TPTE: variants seen among roughly 807,000 people sequenced by gnomAD.
TPTE encodes the protein putative tyrosine-protein phosphatase TPTE.
Under a neutral mutation model 84.1 loss-of-function variants are expected in TPTE, and 59 were observed. The observed-to-expected ratio is 0.70, with a 90% CI of 0.57 to 0.87. TPTE has a LOEUF of 0.87. Ranked by LOEUF, TPTE falls within the 40% of genes least tolerant of loss-of-function variation. The pLI is 0.00. For synonymous variants in TPTE, 130 were observed against 223.5 expected (o/e 0.58, Z 3.73); for missense variants, 382 against 659.6 (o/e 0.58, Z 4.61).
chr21:10,547,913 C>G (rs1289354161), intron 7 of TPTE, among the ~76,000 whole-genome samples: 2 of 152,310 alleles, frequency 1.3e-5, no homozygotes, highest in Admixed American at 1.3e-4. Flanking sequence ...ATGCCCTCTC[C>G]CAAGTGGGAG....
At position 10,552,599 on chromosome 21, in the gene TPTE, C is replaced by G. The variant is rs8132579; in HGVS notation, c.174-58C>G. 0.14 allele frequency: 214,014 copies of G among 1,541,140 alleles called. 4 individuals carry two copies. Among genetic ancestry groups the G allele is most frequent in the Middle Eastern group, 0.2 (1,158 of 5,662 alleles). ...TGCTATTCAAATATATTTTTCATCA[C>G]TATTTTGTGTAGCAAATATCTAATG... On this transcript the variant is annotated intron_variant, in intron 7 of 23. Coordinates refer to ENST00000618007, the MANE Select transcript of TPTE (RefSeq NM_199261.4).
intron 18 of TPTE, among the ~76,000 whole-genome samples, chr21:10,591,163 G>A (rs1330395852): frequency 6.6e-6 from 1 of 152,310 alleles, no homozygotes; most frequent in African/African-American, 2.4e-5. Context: ...CAATACATGT[G>A]GAGTCTGTGA....
intron 10 of TPTE, among the ~76,000 whole-genome samples, chr21:10,566,723 T>C (rs1482528095): frequency 6.6e-6 from 1 of 152,308 alleles, no homozygotes; most frequent in Non-Finnish European, 1.5e-5. Flanking sequence ...ATGCCTGTAA[T>C]CACAGCACTT....
At chr21:10,561,815 T>C (rs1431542943) in intron 10 of TPTE, among the ~76,000 whole-genome samples, 1 of 152,310 alleles carries the variant, frequency 6.6e-6, no homozygotes, top group African/African-American at 2.4e-5. Context: ...GAACTTGCCA[T>C]CCTGAAGGCA....
intron 23 of TPTE, 65 bp downstream of exon 23, chr21:10,603,697 G>T: frequency 1.3e-6 from 2 of 1,569,540 alleles, no homozygotes; most frequent in South Asian, 1.1e-5. Context: ...AAGGTGTAAT[G>T]GCAAGTCTTT....
At chr21:10,604,741 A>AT (rs150679063) in intron 23 of TPTE, among the ~76,000 whole-genome samples, 5,067 of 140,352 alleles carry the variant, frequency 0.036, no homozygotes, top group East Asian at 0.1. Flanking sequence ...AAAGGATACC[A>AT]TTTTTTTTTT....
intron 7 of TPTE, among the ~76,000 whole-genome samples, chr21:10,546,762 T>C (rs1040636082): frequency 2.0e-5 from 3 of 152,306 alleles, no homozygotes; most frequent in Non-Finnish European, 4.4e-5. Flanking sequence ...TCACTCTCTT[T>C]GATTCAGTGA....
intron 3 of TPTE, among the ~76,000 whole-genome samples, chr21:10,537,006 C>CTA (rs1342335258): frequency 6.6e-6 from 1 of 152,312 alleles, no homozygotes; most frequent in African/African-American, 2.4e-5. Context: ...GAGGCTAACA[C>CTA]TACAAGCCCA....
At chr21:10,597,651 G>A (rs371002859) in intron 20 of TPTE, among the ~76,000 whole-genome samples, 2 of 152,312 alleles carry the variant, frequency 1.3e-5, no homozygotes, top group Non-Finnish European at 2.9e-5. Flanking sequence ...CTGACCTCAA[G>A]TAATCGACCC....
chr21:10,593,028 A>T (rs1259911948), intron 19 of TPTE, among the ~76,000 whole-genome samples: 1 of 152,312 alleles, frequency 6.6e-6, no homozygotes, highest in Non-Finnish European at 1.5e-5. Context: ...GAAAATTTTA[A>T]TCATATACAA....
At chr21:10,527,514 AC>A (rs1158917343) in intron 3 of TPTE, 102 bp downstream of exon 3, 10 of 152,776 alleles carry the variant, frequency 6.5e-5, no homozygotes, top group Non-Finnish European at 1.0e-4. Flanking sequence ...TTGTTTTTGA[AC>A]CAGAGTGGAA....
intron 3 of TPTE, among the ~76,000 whole-genome samples, chr21:10,533,730 C>T (rs960728796): frequency 3.3e-5 from 5 of 152,310 alleles, no homozygotes; most frequent in African/African-American, 1.2e-4. Flanking sequence ...GTGATGTGCC[C>T]CAGGGTAGAG....
At chr21:10,545,070 T>C (rs1410931362) in intron 7 of TPTE, among the ~76,000 whole-genome samples, 2 of 152,308 alleles carry the variant, frequency 1.3e-5, no homozygotes, top group Non-Finnish European at 2.9e-5. Flanking sequence ...CTAATTTGTG[T>C]CAGAAAATTA....
At chr21:10,537,118 G>A (rs1316049860) in intron 3 of TPTE, among the ~76,000 whole-genome samples, 1 of 152,308 alleles carries the variant, frequency 6.6e-6, no homozygotes, top group Non-Finnish European at 1.5e-5. Context: ...GGATTTTAGT[G>A]TCAGGAAATG....
In TPTE at chr21:10,569,755, CACTT is replaced by C. The variant is rs373675030; in HGVS notation, c.730+11_730+14del. 145 of 1,613,702 alleles carry C rather than the reference CACTT, an allele frequency of 9.0e-5. No homozygotes were observed. In the African/African-American group the frequency reaches 1.7e-3, roughly 19 times the overall value. On this transcript the variant is annotated intron_variant, in intron 13 of 23. Coordinates refer to ENST00000618007, the MANE Select transcript of TPTE (RefSeq NM_199261.4). ...CCTCACTTACGTTACAGGTTTGTGA[CACTT>C]AACCGTTGATTTACTTGTATTACTT...
intron 7 of TPTE, among the ~76,000 whole-genome samples, chr21:10,548,702 C>T (rs372457401): frequency 1.1e-3 from 171 of 152,358 alleles, no homozygotes; most frequent in African/African-American, 3.9e-3. Flanking sequence ...CAGCTATGCA[C>T]CTATATATTT....
intron 2 of TPTE, among the ~76,000 whole-genome samples, chr21:10,525,863 G>A (rs574195632): frequency 3.9e-5 from 6 of 152,420 alleles, no homozygotes; most frequent in East Asian, 3.9e-4. Flanking sequence ...TGGATGTCTC[G>A]TGCCCTTTTT....
At chr21:10,527,149 T>TCAAACA (rs1277546815) in intron 2 of TPTE, among the ~76,000 whole-genome samples, 3 of 149,202 alleles carry the variant, frequency 2.0e-5, no homozygotes, top group African/African-American at 7.6e-5. Context: ...TCTCTCTCTC[T>TCAAACA]CTCTCTCTCA....
chr21:10,599,886 CTCATTCTGTCACCCAG>C (rs1568789060), intron 21 of TPTE, among the ~76,000 whole-genome samples: 2 of 151,442 alleles, frequency 1.3e-5, no homozygotes, highest in African/African-American at 4.9e-5. Flanking sequence ...GAGCCAGGGT[CTCATTCTGTCACCCAG>C]GCTGTAGCAC....
Sources: allele counts gnomAD v4.1 joint callset (sites outside exome capture counted in the v4.1 genomes callset), GRCh38; gene constraint gnomAD v4.1.1; transcripts MANE v1.5; gene names NCBI Gene and HGNC (gene_info 2026-07-23, HGNC 2026-07-21).